The following DPP6 variants were observed in gnomAD, a reference collection of about 807,000 sequenced individuals.
DPP6 encodes dipeptidyl peptidase like 6, also known as A-type potassium channel modulatory protein DPP6.
In DPP6, 69 loss-of-function variants were observed where a neutral mutation model predicts 122.6. That is an observed-to-expected ratio of 0.56 (90% CI 0.46 to 0.69). The LOEUF (loss-of-function observed/expected upper bound fraction) is 0.69, where lower values mean the gene tolerates loss of function less well. DPP6 is among the 30% of genes least tolerant of loss of function. DPP6 has a pLI of 0.00. For synonymous variants in DPP6, 418 were observed against 433.1 expected (o/e 0.97, Z 0.43); for missense variants, 928 against 1,116.9 (o/e 0.83, Z 2.41).
At chr7:154,791,407 C>G (rs1192750501) in intron 10 of DPP6, among the ~76,000 whole-genome samples, 1 of 152,130 alleles carries the variant, frequency 6.6e-6, no homozygotes, top group Non-Finnish European at 1.5e-5. Flanking sequence ...GGGTGTCTTA[C>G]CTGGTGGCAG....
intron 1 of DPP6, among the ~76,000 whole-genome samples, chr7:154,253,675 GATGATA>G (rs1802487636): frequency 6.6e-6 from 1 of 152,196 alleles, no homozygotes; most frequent in African/African-American, 2.4e-5. Flanking sequence ...TGATGACAAT[GATGATA>G]ATGATAATGT....
At chr7:154,417,119 G>A (rs1029352166) in intron 1 of DPP6, among the ~76,000 whole-genome samples, 1 of 152,160 alleles carries the variant, frequency 6.6e-6, no homozygotes, top group Non-Finnish European at 1.5e-5. Flanking sequence ...TATCACCCAG[G>A]AGGTGAATGA....
intron 1 of DPP6, among the ~76,000 whole-genome samples, chr7:154,010,039 G>A (rs1031358117): frequency 1.6e-4 from 25 of 152,246 alleles, no homozygotes; most frequent in Non-Finnish European, 2.5e-4. Context: ...GGAGGGAGTC[G>A]GTGGAAGAGG....
In DPP6 at chr7:154,313,714, T is replaced by TATATAC. The variant is rs1177234778; in HGVS notation, c.244-132499_244-132498insTATACA. 4.3e-3 allele frequency among the ~76,000 whole-genome samples: 77 copies of TATATAC among 17,782 alleles called. 8 individuals are homozygous for TATATAC. Among genetic ancestry groups the TATATAC allele is most frequent in the African/African-American group, 0.011 (67 of 6,150 alleles). 11.7% of individuals were successfully genotyped at this position (17,782 alleles called of 152,430 possible). A position where few individuals can be genotyped will look rare whatever the true frequency, so the allele number is the denominator to read the frequency against. ...ATATATATATATATATATATATATA[T>TATATAC]ACACACACACGCACGCACACACACA... On this transcript the variant is annotated intron_variant, in intron 1 of 25. Transcript: ENST00000377770.
At chr7:154,255,546 C>A (rs1802602883) in intron 1 of DPP6, among the ~76,000 whole-genome samples, 2 of 152,032 alleles carry the variant, frequency 1.3e-5, no homozygotes, top group Admixed American at 6.6e-5. Context: ...GCAGGTGTTA[C>A]CCTTGAACCA....
At chr7:154,270,692 G>T (rs574322351) in intron 1 of DPP6, among the ~76,000 whole-genome samples, 2 of 152,262 alleles carry the variant, frequency 1.3e-5, no homozygotes, top group South Asian at 4.1e-4. Flanking sequence ...GTAGTGAGTA[G>T]GTCACTTATT....
chr7:154,511,185 A>G (rs1171056443), intron 3 of DPP6, among the ~76,000 whole-genome samples: 1 of 152,208 alleles, frequency 6.6e-6, no homozygotes, highest in Non-Finnish European at 1.5e-5. Flanking sequence ...CTCAATCTAA[A>G]GTAAATTTGA....
intron 6 of DPP6, among the ~76,000 whole-genome samples, chr7:154,653,550 A>G (rs1586817164): frequency 7.1e-6 from 1 of 140,626 alleles, no homozygotes; most frequent in African/African-American, 2.5e-5. Flanking sequence ...ATAGATATAG[A>G]TAGATAATAA....
At chr7:154,325,906 C>T (rs1808404859) in intron 1 of DPP6, among the ~76,000 whole-genome samples, 1 of 152,124 alleles carries the variant, frequency 6.6e-6, no homozygotes, top group Non-Finnish European at 1.5e-5. Flanking sequence ...GTTTTGTTGT[C>T]AGGAACTGCC....
intron 7 of DPP6, among the ~76,000 whole-genome samples, chr7:154,699,252 AC>A: frequency 6.6e-6 from 1 of 152,244 alleles, no homozygotes; most frequent in Non-Finnish European, 1.5e-5. Flanking sequence ...AGGACTGTAT[AC>A]AAAAAGGCCC....
chr7:154,093,018 G>C (rs1476088463), intron 1 of DPP6: 1 of 151,862 alleles, frequency 6.6e-6, no homozygotes, highest in African/African-American at 2.4e-5. Flanking sequence ...ACATGGGCAG[G>C]TGAGGCAAGC....
chr7:154,794,614 G>A (rs1257243829), intron 11 of DPP6, among the ~76,000 whole-genome samples: 4 of 152,326 alleles, frequency 2.6e-5, no homozygotes, highest in Non-Finnish European at 5.9e-5. Context: ...CCAGGCGTGC[G>A]TCCCTCCCCA....
chr7:154,453,185 T>C (rs965517643), intron 2 of DPP6, among the ~76,000 whole-genome samples: 3 of 152,132 alleles, frequency 2.0e-5, no homozygotes, highest in Non-Finnish European at 2.9e-5. Flanking sequence ...TCCCTGACAA[T>C]TGGCTTTTAT....
At chr7:153,900,218 G>A (rs1207060226) in intron 1 of DPP6, among the ~76,000 whole-genome samples, 3 of 145,524 alleles carry the variant, frequency 2.1e-5, no homozygotes, top group Non-Finnish European at 3.0e-5. Context: ...TCGTGGCTCA[G>A]TACTTTCTCC....
intron 1 of DPP6, among the ~76,000 whole-genome samples, chr7:154,066,141 C>G (rs1247655210): frequency 6.6e-6 from 1 of 150,466 alleles, no homozygotes; most frequent in Non-Finnish European, 1.5e-5. Context: ...CTCACTGTAA[C>G]CTCTGCCTCT....
intron 1 of DPP6, among the ~76,000 whole-genome samples, chr7:154,433,449 A>G (rs1299701106): frequency 6.6e-6 from 1 of 151,850 alleles, no homozygotes. Context: ...GATTACAGGC[A>G]TGAGCCCCCT....
chr7:154,743,200 A>T (rs1042114767), intron 8 of DPP6, among the ~76,000 whole-genome samples: 11 of 152,048 alleles, frequency 7.2e-5, no homozygotes, highest in Admixed American at 7.2e-4. Flanking sequence ...TTCTCTTTCC[A>T]CCTGCTGGGC....
chr7:153,788,824 G>T, the DPP6 span, among the ~76,000 whole-genome samples: 19 of 152,218 alleles, frequency 1.2e-4, no homozygotes, highest in South Asian at 3.5e-3. Context: ...CATTAGCCAG[G>T]CATGGTGGTA....
At chr7:153,944,015 A>G (rs1298452484) in intron 1 of DPP6, among the ~76,000 whole-genome samples, 1 of 152,218 alleles carries the variant, frequency 6.6e-6, no homozygotes. Flanking sequence ...CCACTTAGGC[A>G]AATGAGCATC....
Sources: allele counts gnomAD v4.1 joint callset (sites outside exome capture counted in the v4.1 genomes callset), GRCh38; gene constraint gnomAD v4.1.1; transcripts MANE v1.5; gene names NCBI Gene and HGNC (gene_info 2026-07-23, HGNC 2026-07-21).